Variants in KAZN observed in about 807,000 individuals in gnomAD.
KAZN encodes the protein kazrin.
In KAZN, 40 loss-of-function variants were observed where a neutral mutation model predicts 87.4. That is an observed-to-expected ratio of 0.46 (90% CI 0.36 to 0.60). KAZN has a LOEUF of 0.60. Ranked by LOEUF, KAZN falls within the 20% of genes least tolerant of loss-of-function variation. The pLI is 0.00. For synonymous variants in KAZN, 466 were observed against 458.3 expected, an observed-to-expected ratio of 1.02 and a Z score of -0.22; for missense variants, 898 against 1,073.9, an observed-to-expected ratio of 0.84 and a Z score of 2.29.
At chr1:14,781,489 C>T (rs1645348365) in intron 1 of KAZN, among the ~76,000 whole-genome samples, 2 of 152,184 alleles carry the variant, frequency 1.3e-5, no homozygotes, top group Admixed American at 6.5e-5. Context: ...TCTAAACATG[C>T]GTGCTCGAGC....
intron 2 of KAZN, among the ~76,000 whole-genome samples, chr1:14,319,545 C>A (rs557830716): frequency 6.6e-6 from 1 of 152,100 alleles, no homozygotes; most frequent in Admixed American, 6.6e-5. Context: ...TCTGTAGAGC[C>A]CCGTTCTCTC....
chr1:14,214,757 G>A (rs770529268), intron 2 of KAZN, among the ~76,000 whole-genome samples: 3 of 152,190 alleles, frequency 2.0e-5, no homozygotes, highest in Non-Finnish European at 4.4e-5. Context: ...GAAGACTGTG[G>A]TACAAGATGA....
At chr1:14,272,218 G>A (rs1434198892) in intron 2 of KAZN, among the ~76,000 whole-genome samples, 1 of 152,138 alleles carries the variant, frequency 6.6e-6, no homozygotes, top group Non-Finnish European at 1.5e-5. Context: ...TCTAGGCTGG[G>A]TTCAGGCATG....
chr1:14,446,812 C>A (rs1308049448), intron 2 of KAZN, among the ~76,000 whole-genome samples: 5 of 152,060 alleles, frequency 3.3e-5, no homozygotes, highest in Non-Finnish European at 7.4e-5. Flanking sequence ...TGGGGCTTGA[C>A]CCTGCCTCTA....
At chr1:14,706,672 G>A (rs1642227397) in intron 1 of KAZN, among the ~76,000 whole-genome samples, 1 of 152,192 alleles carries the variant, frequency 6.6e-6, no homozygotes, top group Admixed American at 6.5e-5. Flanking sequence ...TATGGTTACA[G>A]TTGGAGGTAC....
chr1:14,856,790 G>A lies in KAZN; in HGVS notation c.227-103894G>A, dbSNP rs570129476. ...TAAAGATGAGCATATGTTTGTTGCCGGGCTGTTGCAGAGAGTTTGCAATTC... is the reference window on the plus strand; with the variant it reads ...TAAAGATGAGCATATGTTTGTTGCCAGGCTGTTGCAGAGAGTTTGCAATTC... On this transcript the variant is annotated intron_variant, in intron 1 of 14. Transcript: ENST00000376030. The surrounding 1 kb of genome is among the most constrained non-coding windows in gnomAD (Gnocchi z 5.2). 2.4e-4 allele frequency among the ~76,000 whole-genome samples: 37 copies of A among 152,244 alleles called. No homozygotes were observed. Among genetic ancestry groups the A allele is most frequent in the East Asian group, 1.4e-3 (7 of 5,170 alleles).
intron 2 of KAZN, among the ~76,000 whole-genome samples, chr1:14,507,835 C>T (rs1012273869): frequency 6.6e-6 from 1 of 151,948 alleles, no homozygotes; most frequent in South Asian, 2.1e-4. Context: ...GGCACGGTGA[C>T]GGGTGCCTGT....
At chr1:13,975,643 G>C (rs1410195984) in intron 1 of KAZN, among the ~76,000 whole-genome samples, 4 of 152,174 alleles carry the variant, frequency 2.6e-5, no homozygotes, top group Non-Finnish European at 5.9e-5. Flanking sequence ...ATGAGTGGAT[G>C]AATGAGCCAT....
intron 2 of KAZN, among the ~76,000 whole-genome samples, chr1:14,290,821 T>C (rs1384461731): frequency 1.3e-5 from 2 of 152,258 alleles, no homozygotes; most frequent in African/African-American, 4.8e-5. Flanking sequence ...TGGTTTTATC[T>C]ACCTTTGGTC....
At chr1:14,564,051 T>C (rs1373885648) in intron 2 of KAZN, among the ~76,000 whole-genome samples, 1 of 151,826 alleles carries the variant, frequency 6.6e-6, no homozygotes, top group Non-Finnish European at 1.5e-5. Context: ...TGTATTTTAG[T>C]AGAGACAGGG....
intron 1 of KAZN, among the ~76,000 whole-genome samples, chr1:14,108,592 G>T (rs1251882654): frequency 2.0e-5 from 3 of 152,150 alleles, no homozygotes; most frequent in African/African-American, 4.8e-5. Flanking sequence ...GTTTCTAAAT[G>T]ATGGTCATTC....
At chr1:14,096,796 C>A (rs1341347290) in intron 1 of KAZN, among the ~76,000 whole-genome samples, 2 of 152,100 alleles carry the variant, frequency 1.3e-5, no homozygotes, top group African/African-American at 4.8e-5. Context: ...TGAGTGAATC[C>A]CCAGGCCTAC....
At chr1:14,819,151 C>A (rs895795856) in intron 1 of KAZN, among the ~76,000 whole-genome samples, 1 of 152,208 alleles carries the variant, frequency 6.6e-6, no homozygotes, top group Non-Finnish European at 1.5e-5. Context: ...AAACAAAAAC[C>A]TTGCAAGCAA....
chr1:15,067,872 G>A (rs1341097987), intron 8 of KAZN: 2 of 961,184 alleles, frequency 2.1e-6, no homozygotes, highest in African/African-American at 1.8e-5. Context: ...TTCTTTTCTG[G>A]TTGATTTTTA....
chr1:14,514,336 A>ATAT, intron 2 of KAZN, among the ~76,000 whole-genome samples: 1 of 38,554 alleles, frequency 2.6e-5, no homozygotes, highest in African/African-American at 1.0e-4. Context: ...AAAAATTTAT[A>ATAT]TATATATTTA....
At chr1:14,211,729 A>G (rs184347152) in intron 2 of KAZN, among the ~76,000 whole-genome samples, 10 of 152,290 alleles carry the variant, frequency 6.6e-5, no homozygotes, top group African/African-American at 2.2e-4. Context: ...TATTTACACC[A>G]TGGAAATAAG....
chr1:14,841,261 C>T (rs1468145759), intron 1 of KAZN, among the ~76,000 whole-genome samples: 1 of 151,790 alleles, frequency 6.6e-6, no homozygotes, highest in Non-Finnish European at 1.5e-5. Context: ...AAAAGTTAGC[C>T]AGGCGTGGTG....
chr1:14,390,976 A>C (rs1216921902), intron 2 of KAZN, among the ~76,000 whole-genome samples: 1 of 152,222 alleles, frequency 6.6e-6, no homozygotes, highest in African/African-American at 2.4e-5. Flanking sequence ...CATTGTGAAG[A>C]TATTGGCTTC....
chr1:13,900,521 T>C (rs1264171989), intron 1 of KAZN, among the ~76,000 whole-genome samples: 1 of 152,090 alleles, frequency 6.6e-6, no homozygotes, highest in Non-Finnish European at 1.5e-5. Context: ...CAGGGTGAAG[T>C]GGGGTCCTCA....
Sources: gnomAD v4.1 joint callset for allele counts (sites outside exome capture counted in the v4.1 genomes callset) on GRCh38, gnomAD v4.1.1 for gene constraint, Gnocchi (gnomAD v3.1) non-coding constraint, MANE v1.5 for transcripts, NCBI Gene and HGNC (gene_info 2026-07-23, HGNC 2026-07-21) for gene names.